SMIM41: variants seen among roughly 807,000 people sequenced by gnomAD.
The protein encoded by SMIM41 is small integral membrane protein 41.
intron 2 of SMIM41, among the ~76,000 whole-genome samples, chr12:52,103,554 T>G (rs1313252670): frequency 6.6e-6 from 1 of 151,718 alleles, no homozygotes; most frequent in Non-Finnish European, 1.5e-5. Context: ...AGGTCAGGAG[T>G]TCGAGACCAG....
chr12:52,085,534 C>A (rs897484835), intron 2 of SMIM41, among the ~76,000 whole-genome samples: 1 of 152,172 alleles, frequency 6.6e-6, no homozygotes, highest in African/African-American at 2.4e-5. Flanking sequence ...GGTGTGCGTT[C>A]CCGGCCTCCA....
intron 2 of SMIM41, among the ~76,000 whole-genome samples, chr12:52,095,031 T>C (rs4762052): frequency 0.97 from 146,476 of 151,014 alleles, 71,070 homozygotes; most frequent in East Asian, 1. Context: ...CTGCAACCTC[T>C]GCCTTCTGGG....
rs879269619 is a variant in SMIM41 at position 52,098,515 on chromosome 12, G to T, written c.*196-8864G>T. 3.8e-3 allele frequency among the ~76,000 whole-genome samples: 581 copies of T among 151,330 alleles called. 4 individuals are homozygous for T. Among genetic ancestry groups the T allele is most frequent in the Middle Eastern group, 0.017 (5 of 294 alleles). On this transcript the variant is annotated intron_variant, in intron 2 of 2. Transcript: ENST00000546390. ...GAATATTAAGAACAATATCGTGGGG[G>T]GGGGGGGACGTACACCCCGTTTGAT...
In SMIM41 at chr12:52,081,492, A is replaced by G. The variant is rs895816785; in HGVS notation, c.*120+1311A>G. 2.6e-5 allele frequency among the ~76,000 whole-genome samples: 4 copies of G among 151,938 alleles called. No individual in the cohort carries two copies. Among genetic ancestry groups the G allele is most frequent in the African/African-American group, 9.7e-5 (4 of 41,358 alleles). ...CCACACTGGCCTTGCTGAGCCAGGG[A>G]CTTCTCACCTCAGGGCCCCCTCAGC... On this transcript the variant is annotated intron_variant, in intron 1 of 2. Coordinates refer to ENST00000546390, the MANE Select transcript of SMIM41 (RefSeq NM_001369216.1). The surrounding 1 kb of genome is among the most constrained non-coding windows in gnomAD (Gnocchi z 4.1).
chr12:52,100,678 G>C (rs1189463300), intron 2 of SMIM41, among the ~76,000 whole-genome samples: 2 of 111,434 alleles, frequency 1.8e-5, no homozygotes, highest in African/African-American at 7.0e-5. Context: ...TCTCCATATT[G>C]GTCAGGCTGG....
intron 2 of SMIM41, chr12:52,093,472 CCCG>C (rs1940038077): frequency 6.6e-6 from 1 of 152,104 alleles, no homozygotes; most frequent in Non-Finnish European, 1.5e-5. Flanking sequence ...TCTGTGGCAG[CCCG>C]GCAACCCTGT....
At chr12:52,100,622 A>ATTTTTTTTTTTTTT (rs1173057236) in intron 2 of SMIM41, among the ~76,000 whole-genome samples, 67 of 111,126 alleles carry the variant, frequency 6.0e-4, no homozygotes, top group East Asian at 1.6e-3. Flanking sequence ...GCGCCCAGCT[A>ATTTTTTTTTTTTTT]TTTTTTTTTT....
chr12:52,105,694 A>G lies in SMIM41; in HGVS notation c.*196-1685A>G, dbSNP rs142527608. On this transcript the variant is annotated intron_variant, in intron 2 of 2. Transcript: ENST00000546390. ...CTTGAACCTGGGATGCGGAGGTTGCAATGAGCTGAGATCACTCCACTGCAC... is the reference window on the plus strand; with the variant it reads ...CTTGAACCTGGGATGCGGAGGTTGCGATGAGCTGAGATCACTCCACTGCAC... Among the ~76,000 whole-genome samples the G allele has an allele frequency of 8.2e-3, 1,245 of 152,120 alleles. 15 individuals carry two copies. The highest frequency in any genetic ancestry group is 0.027 in the African/African-American group (1,128 of 41,534).
intron 2 of SMIM41, among the ~76,000 whole-genome samples, chr12:52,103,357 C>CAAAAAAAAAAAAAAAAAACCAAAAA (rs532598136): frequency 8.5e-6 from 1 of 116,982 alleles, no homozygotes; most frequent in African/African-American, 3.1e-5. Context: ...AAAATAAAAC[C>CAAAAAAAAAAAAAAAAAACCAAAAA]AAAAAAAAAA....
intron 2 of SMIM41, among the ~76,000 whole-genome samples, chr12:52,087,931 G>A (rs1939916651): frequency 1.3e-5 from 2 of 152,130 alleles, no homozygotes; most frequent in Admixed American, 1.3e-4. Context: ...CTCTCTCCTA[G>A]ATCTTCCCCT....
intron 2 of SMIM41, among the ~76,000 whole-genome samples, chr12:52,102,643 A>C (rs771050926): frequency 6.6e-6 from 1 of 152,250 alleles, no homozygotes; most frequent in Non-Finnish European, 1.5e-5. Context: ...TCAAATCACT[A>C]ATCATAGGGA....
chr12:52,080,043 C>T lies in SMIM41; in HGVS notation c.264C>T (p.Asp88=), dbSNP rs960415558. The change falls in exon 1 of 3, where the codon GAC becomes GAT. Residue 88 remains aspartate (D), a synonymous_variant. Transcript: ENST00000546390. ...AGCCGGGCAGTGCCAGCGGAGAGGA[C>T]GGCGACGACGACTCCTAGGCGCCCG... ...EPEPGSASGE[D]GDDDS The T allele has an allele frequency of 6.5e-5, 24 of 366,424 alleles. No homozygotes were observed. Among genetic ancestry groups the T allele is most frequent in the Middle Eastern group, 7.2e-4 (1 of 1,390 alleles). The allele number at this position is 366,424 out of a possible 1,614,324, so 22.7% of individuals were successfully genotyped here.
chr12:52,083,313 G>A lies in SMIM41; in HGVS notation c.*121-581G>A, dbSNP rs1939845021. Among the ~76,000 whole-genome samples the A allele has an allele frequency of 3.9e-5, 6 of 152,216 alleles. No individual in the cohort carries two copies. The South Asian group carries it at 1.2e-3, about 31-fold the overall frequency. Reference sequence around the variant, plus strand: ...GGCCTGCAGCACCCCCTCAATCCAGGAATGCTGCATCGCTTTCTGTGGCCT... The same window carrying A: ...GGCCTGCAGCACCCCCTCAATCCAGAAATGCTGCATCGCTTTCTGTGGCCT... On this transcript the variant is annotated intron_variant, in intron 1 of 2. Coordinates refer to ENST00000546390, the MANE Select transcript of SMIM41 (RefSeq NM_001369216.1).
At chr12:52,094,197 AT>A (rs562390454) in intron 2 of SMIM41, among the ~76,000 whole-genome samples, 12,851 of 131,584 alleles carry the variant, frequency 0.098, 1,954 homozygotes, top group African/African-American at 0.34. Flanking sequence ...GAAGTTTTTG[AT>A]TTTTTTTTTT....
At chr12:52,102,314 A>T (rs1940231520) in intron 2 of SMIM41, among the ~76,000 whole-genome samples, 1 of 152,260 alleles carries the variant, frequency 6.6e-6, no homozygotes, top group Non-Finnish European at 1.5e-5. Flanking sequence ...ATGACATCAG[A>T]TTGGGCAATG....
At chr12:52,104,631 G>A (rs983114450) in intron 2 of SMIM41, among the ~76,000 whole-genome samples, 10 of 151,984 alleles carry the variant, frequency 6.6e-5, no homozygotes, top group Admixed American at 6.6e-4. Context: ...CGTGCAAACT[G>A]TCGGCTCAGC....
intron 2 of SMIM41, among the ~76,000 whole-genome samples, chr12:52,091,341 C>T (rs1940000460): frequency 6.6e-6 from 1 of 152,202 alleles, no homozygotes; most frequent in Admixed American, 6.5e-5. Flanking sequence ...ACTCAAGCTC[C>T]ATCTTTGGAA....
chr12:52,090,185 C>T (rs1484670885), intron 2 of SMIM41, among the ~76,000 whole-genome samples: 5 of 152,262 alleles, frequency 3.3e-5, no homozygotes, highest in African/African-American at 1.2e-4. Context: ...ATTCTCCTGC[C>T]TCAGCCTCCT....
Position 52,085,356 on chromosome 12 carries a change from A to T in SMIM41, c.*195+1388A>T, listed in dbSNP as rs570536204. Among the ~76,000 whole-genome samples the T allele has an allele frequency of 4.6e-5, 7 of 152,258 alleles. No homozygotes were observed. In the South Asian group the frequency reaches 1.0e-3, roughly 23 times the overall value. On this transcript the variant is annotated intron_variant, in intron 2 of 2. Coordinates refer to ENST00000546390, the MANE Select transcript of SMIM41 (RefSeq NM_001369216.1). The stretch of plus-strand genomic sequence containing the variant: ...TTCTGGCACCGTAGTTATTAGCTGC[A>T]TGGCCTGACAAGGCCCTGAACCTCT...
Sources: allele counts gnomAD v4.1 joint callset (sites outside exome capture counted in the v4.1 genomes callset), GRCh38; gene constraint gnomAD v4.1.1; non-coding constraint Gnocchi (gnomAD v3.1); transcripts MANE v1.5; gene names NCBI Gene and HGNC (gene_info 2026-07-23, HGNC 2026-07-21).